SDK1: variants seen among roughly 807,000 people sequenced by gnomAD.
The protein encoded by SDK1 is protein sidekick-1.
SDK1 carries 157 observed loss-of-function variants against 245.5 expected under a neutral mutation model. That is an observed-to-expected ratio of 0.64 (90% CI 0.56 to 0.73). SDK1 has a LOEUF of 0.73. SDK1 is among the 30% of genes least tolerant of loss of function. The probability of loss-of-function intolerance (pLI) is 0.00; values close to 1 mark genes in which losing one functional copy is unlikely to be tolerated. For missense variants in SDK1, 3,583 were observed against 3,002.3 expected (o/e 1.19, Z -4.52); for synonymous variants, 1,647 against 1,278.5 (o/e 1.29, Z -6.15).
At chr7:3,844,552 C>G (rs11979277) in intron 5 of SDK1, among the ~76,000 whole-genome samples, 2,246 of 152,278 alleles carry the variant, frequency 0.015, 73 homozygotes, top group African/African-American at 0.052. Context: ...GGACAACTGC[C>G]TGTAATTTAA....
rs112074340 is a variant in SDK1 at position 4,199,266 on chromosome 7, C to G, written c.5099-6613C>G. Reference sequence around the variant, plus strand: ...GATGCTGTCATGATCTGTGAGGACCCGGATCTTCCTGTGATGGGGACTCAC... The same window carrying G: ...GATGCTGTCATGATCTGTGAGGACCGGGATCTTCCTGTGATGGGGACTCAC... On this transcript the variant is annotated intron_variant, in intron 35 of 44. Transcript: ENST00000404826. Among the ~76,000 whole-genome samples, 1,522 of 152,252 alleles carry G rather than the reference C, an allele frequency of 1.0e-2. 25 individuals are homozygous for G. The highest frequency in any genetic ancestry group is 0.034 in the African/African-American group (1,422 of 41,540).
Position 4,220,113 on chromosome 7 carries a change from G to A in SDK1, c.5544G>A (p.Val1848=), listed in dbSNP as rs760409193. ...CTTTGCTTCTGGCGGCTGCAGGGGT[G>A]AGCAAGGTGGTGACCGTGGAAGTGA... is the stretch of plus-strand genomic sequence containing the variant. ...VYEPLAPVQG[V]SKVVTVEVRG... Residue 1848 remains valine, a synonymous_variant, in exon 39 of 45, where the codon GTG becomes GTA. Coordinates refer to ENST00000404826, the MANE Select transcript of SDK1 (RefSeq NM_152744.4). 2.5e-6 allele frequency: 4 copies of A among 1,613,550 alleles called. No homozygotes were observed. The African/African-American group carries it at 5.3e-5, about 22-fold the overall frequency.
At chr7:3,936,615 G>C (rs534692297) in intron 5 of SDK1, among the ~76,000 whole-genome samples, 26 of 152,054 alleles carry the variant, frequency 1.7e-4, no homozygotes, top group African/African-American at 5.8e-4. Flanking sequence ...GAGATGTATA[G>C]TGGTGATGGC....
intron 1 of SDK1, among the ~76,000 whole-genome samples, chr7:3,438,520 C>G (rs188105535): frequency 3.5e-4 from 53 of 152,290 alleles, no homozygotes; most frequent in East Asian, 2.1e-3. Flanking sequence ...CACTGCCAGT[C>G]TCATGAAGTG....
chr7:3,994,482 A>C (rs1784556960), intron 14 of SDK1, among the ~76,000 whole-genome samples: 1 of 151,904 alleles, frequency 6.6e-6, no homozygotes, highest in Non-Finnish European at 1.5e-5. Context: ...TATCTACAAA[A>C]AATTAAAAAA....
chr7:4,119,093 A>G lies in SDK1; in HGVS notation c.3823+4819A>G, dbSNP rs182501344. On this transcript the variant is annotated intron_variant, in intron 25 of 44. Coordinates refer to ENST00000404826, the MANE Select transcript of SDK1 (RefSeq NM_152744.4). ...TGTATGATATATTAATAATCTCACA[A>G]TAAGGCTTTAAAAAAAAAGCTCAGC... 4.8e-4 allele frequency among the ~76,000 whole-genome samples: 71 copies of G among 148,548 alleles called. 5 individuals are homozygous for G. The highest frequency in any genetic ancestry group is 4.0e-4 in the Admixed American group (6 of 14,934).
intron 5 of SDK1, among the ~76,000 whole-genome samples, chr7:3,872,649 C>T (rs1392725245): frequency 2.7e-5 from 4 of 149,276 alleles, no homozygotes; most frequent in African/African-American, 4.9e-5. Flanking sequence ...TGTAGTTGTG[C>T]CTTCTCTTTT....
intron 1 of SDK1, among the ~76,000 whole-genome samples, chr7:3,341,322 A>T (rs1780342531): frequency 6.6e-6 from 1 of 152,186 alleles, no homozygotes; most frequent in Non-Finnish European, 1.5e-5. Context: ...TCATGATTAA[A>T]AATTCAGAAA....
At chr7:3,491,172 A>C (rs931325674) in intron 1 of SDK1, among the ~76,000 whole-genome samples, 2 of 152,240 alleles carry the variant, frequency 1.3e-5, no homozygotes, top group South Asian at 4.1e-4. Flanking sequence ...TTACGGAAGT[A>C]TGTACCCTTT....
chr7:3,524,980 C>A (rs991039880), intron 1 of SDK1, among the ~76,000 whole-genome samples: 1 of 151,978 alleles, frequency 6.6e-6, no homozygotes, highest in Non-Finnish European at 1.5e-5. Flanking sequence ...CAGATTCAAC[C>A]AATTGTGGAT....
intron 2 of SDK1, among the ~76,000 whole-genome samples, chr7:3,624,607 C>T (rs1246483292): frequency 6.6e-6 from 1 of 152,110 alleles, no homozygotes; most frequent in Admixed American, 6.5e-5. Flanking sequence ...CAAATTTTCA[C>T]AACATTAAGT....
intron 1 of SDK1, among the ~76,000 whole-genome samples, chr7:3,499,989 G>C (rs1326791191): frequency 6.6e-6 from 1 of 152,206 alleles, no homozygotes; most frequent in African/African-American, 2.4e-5. Flanking sequence ...GACGGAGATA[G>C]AGTGGGAACT....
intron 4 of SDK1, among the ~76,000 whole-genome samples, chr7:3,816,682 A>G (rs532967906): frequency 6.6e-6 from 1 of 152,324 alleles, no homozygotes; most frequent in South Asian, 2.1e-4. Context: ...GAGGAATTGA[A>G]AGCAATTTTA....
intron 4 of SDK1, among the ~76,000 whole-genome samples, chr7:3,663,257 C>T (rs1361422459): frequency 6.6e-6 from 1 of 152,114 alleles, no homozygotes; most frequent in East Asian, 1.9e-4. Context: ...GATAATAGTA[C>T]AGTGTCCTAC....
intron 1 of SDK1, among the ~76,000 whole-genome samples, chr7:3,351,298 T>C (rs1780653531): frequency 6.6e-6 from 1 of 152,142 alleles, no homozygotes; most frequent in Admixed American, 6.5e-5. Context: ...TAATAAAAAT[T>C]GGTGAATCAT....
intron 5 of SDK1, among the ~76,000 whole-genome samples, chr7:3,858,170 T>G (rs1196967357): frequency 6.6e-6 from 1 of 152,206 alleles, no homozygotes; most frequent in Non-Finnish European, 1.5e-5. Context: ...CATATGAGAA[T>G]GGCTACACCT....
At chr7:3,967,517 C>A in intron 10 of SDK1, 83 bp downstream of exon 10, 1 of 838,254 alleles carries the variant, frequency 1.2e-6, no homozygotes. Context: ...TATTCACTCT[C>A]TTGTTTATTC....
chr7:4,087,365 G>T (rs1232438369), intron 22 of SDK1, among the ~76,000 whole-genome samples: 1 of 152,018 alleles, frequency 6.6e-6, no homozygotes, highest in Non-Finnish European at 1.5e-5. Flanking sequence ...TATTAGCCTG[G>T]TTATTCATGC....
At chr7:3,893,316 C>T (rs1489033358) in intron 5 of SDK1, among the ~76,000 whole-genome samples, 1 of 152,162 alleles carries the variant, frequency 6.6e-6, no homozygotes, top group African/African-American at 2.4e-5. Flanking sequence ...ATCGCACTGT[C>T]TGCTCCTGGT....
Sources: gnomAD v4.1 joint callset for allele counts (sites outside exome capture counted in the v4.1 genomes callset) on GRCh38, gnomAD v4.1.1 for gene constraint, MANE v1.5 for transcripts, NCBI Gene and HGNC (gene_info 2026-07-23, HGNC 2026-07-21) for gene names.